Variants in STAU1 observed in about 807,000 individuals in gnomAD.
STAU1 encodes double-stranded RNA-binding protein Staufen homolog 1.
A neutral mutation model predicts 62.9 loss-of-function variants in STAU1; 13 were observed. The observed-to-expected ratio is 0.21, with a 90% CI of 0.13 to 0.33. STAU1 has a LOEUF of 0.33. Ranked by LOEUF, STAU1 falls within the 10% of genes least tolerant of loss-of-function variation. The pLI, the probability that STAU1 is intolerant of heterozygous loss-of-function variation, is 1.00. For missense variants in STAU1, 571 were observed against 712.1 expected (o/e 0.80, Z 2.25); for synonymous variants, 269 against 265.1 (o/e 1.01, Z -0.14).
the STAU1 span, among the ~76,000 whole-genome samples, chr20:49,195,314 G>C: frequency 6.6e-6 from 1 of 151,698 alleles, no homozygotes; most frequent in Non-Finnish European, 1.5e-5. Flanking sequence ...GAGGCAGGCG[G>C]ATCACGAAGT....
intron 5 of STAU1, among the ~76,000 whole-genome samples, chr20:49,139,157 A>G (rs928932976): frequency 1.3e-5 from 2 of 152,212 alleles, no homozygotes; most frequent in African/African-American, 2.4e-5. Context: ...ACATAGGGGA[A>G]AAGTGTTATG....
chr20:49,189,619 CAAAAAAAAAAAAAA>C (rs71186430), upstream of STAU1, among the ~76,000 whole-genome samples: 1 of 55,348 alleles, frequency 1.8e-5, no homozygotes, highest in African/African-American at 7.2e-5. Context: ...GACTCTGTCT[CAAAAAAAAAAAAAA>C]AAAAAAAAAG....
At position 49,154,082 on chromosome 20, in the gene STAU1, G is replaced by A. The variant is rs1472282139; in HGVS notation, c.206-11C>T. 5.7e-6 allele frequency: 9 copies of A among 1,588,732 alleles called. No individual in the cohort carries two copies. Among genetic ancestry groups the A allele is most frequent in the Non-Finnish European group, 6.8e-6 (8 of 1,173,192 alleles). On this transcript the variant is annotated splice_polypyrimidine_tract_variant and intron_variant, in intron 3 of 13. Transcript: ENST00000371856. ...TAGGGGTTATGCTTTCTGCAAGAAAGAATCGACAAAGAACTGTTTTTTTCT... is the reference window on the plus strand; with the variant it reads ...TAGGGGTTATGCTTTCTGCAAGAAAAAATCGACAAAGAACTGTTTTTTTCT...
At chr20:49,216,384 C>T in the STAU1 span, among the ~76,000 whole-genome samples, 2 of 151,862 alleles carry the variant, frequency 1.3e-5, no homozygotes, top group Non-Finnish European at 2.9e-5. Context: ...AAAAATTGGC[C>T]AGGCATGGTG....
intron 6 of STAU1, among the ~76,000 whole-genome samples, chr20:49,127,144 G>C (rs1295464678): frequency 6.6e-6 from 1 of 151,966 alleles, no homozygotes; most frequent in Non-Finnish European, 1.5e-5. Context: ...CACGAGGTCA[G>C]GAGTTCGAGA....
intron 1 of STAU1, among the ~76,000 whole-genome samples, chr20:49,187,447 G>A (rs2146650777): frequency 6.6e-6 from 1 of 152,248 alleles, no homozygotes; most frequent in African/African-American, 2.4e-5. Context: ...CGGATAGGTA[G>A]GTCAACTTCT....
At chr20:49,126,749 G>A (rs942986912) in intron 6 of STAU1, among the ~76,000 whole-genome samples, 1 of 151,638 alleles carries the variant, frequency 6.6e-6, no homozygotes, top group Admixed American at 6.6e-5. Flanking sequence ...AGAACAGCAC[G>A]AAAAAGACCT....
In STAU1 at chr20:49,183,701, G is replaced by C. The variant is rs143232795; in HGVS notation, c.-160+4415C>G. ...ATCTGGACTTTAGAATGGGGATGGA[G>C]GAGAGTTCCATGAGTCATGGCCATT... On this transcript the variant is annotated intron_variant, in intron 1 of 13. Transcript: ENST00000371856. 2.0e-3 allele frequency among the ~76,000 whole-genome samples: 303 copies of C among 152,172 alleles called. 1 individual carries two copies. The highest frequency in any genetic ancestry group is 6.9e-3 in the African/African-American group (288 of 41,524).
In STAU1 at chr20:49,124,124, C is replaced by T. The variant is rs145485676; in HGVS notation, c.822+251G>A. Among the ~76,000 whole-genome samples, 29 of 152,354 alleles carry T rather than the reference C, an allele frequency of 1.9e-4. No individual in the cohort carries two copies. The East Asian group carries it at 4.6e-3, about 24-fold the overall frequency. ...TTCCTGCCCAATACCCCACTGTGAT[C>T]GCCAGGGCTGTGATGAGCGCCCTCC... is the stretch of plus-strand genomic sequence containing the variant. On this transcript the variant is annotated intron_variant, in intron 7 of 13. Coordinates refer to ENST00000371856, the MANE Select transcript of STAU1 (RefSeq NM_017453.4).
At chr20:49,204,626 G>GTATATATA in the STAU1 span, among the ~76,000 whole-genome samples, 5 of 44,674 alleles carry the variant, frequency 1.1e-4, no homozygotes, top group Non-Finnish European at 1.5e-4. Flanking sequence ...ATATATATGT[G>GTATATATA]TATATATATA....
At chr20:49,154,640 A>G (rs745890540) in intron 3 of STAU1, among the ~76,000 whole-genome samples, 5 of 151,968 alleles carry the variant, frequency 3.3e-5, no homozygotes, top group Non-Finnish European at 7.4e-5. Context: ...CCAAGGCAGG[A>G]GGATCACAAG....
intron 5 of STAU1, among the ~76,000 whole-genome samples, chr20:49,147,820 C>A (rs1015436425): frequency 1.3e-5 from 2 of 152,084 alleles, no homozygotes; most frequent in Non-Finnish European, 2.9e-5. Context: ...AAGTAAATGA[C>A]GTAACATATT....
chr20:49,193,240 G>T (rs780461684), upstream of STAU1, among the ~76,000 whole-genome samples: 9 of 152,094 alleles, frequency 5.9e-5, no homozygotes, highest in South Asian at 2.1e-4. Context: ...AGCTGGGCAT[G>T]GTGGCAGGCG....
At chr20:49,185,213 T>C (rs2093772931) in intron 1 of STAU1, among the ~76,000 whole-genome samples, 1 of 152,216 alleles carries the variant, frequency 6.6e-6, no homozygotes. Flanking sequence ...TAAAGAAACA[T>C]TTTAAGTTTT....
At chr20:49,132,441 C>T (rs1488718087) in intron 6 of STAU1, among the ~76,000 whole-genome samples, 1 of 152,228 alleles carries the variant, frequency 6.6e-6, no homozygotes, top group Admixed American at 6.5e-5. Context: ...ATCACATTTT[C>T]TAACTAAAAC....
intron 1 of STAU1, among the ~76,000 whole-genome samples, chr20:49,176,157 A>C (rs1370693491): frequency 1.3e-5 from 2 of 152,126 alleles, no homozygotes; most frequent in Non-Finnish European, 2.9e-5. Context: ...TGATTTTCAA[A>C]CCTGTGTTTT....
At chr20:49,215,816 G>T in the STAU1 span, among the ~76,000 whole-genome samples, 4 of 151,794 alleles carry the variant, frequency 2.6e-5, no homozygotes, top group Non-Finnish European at 5.9e-5. Context: ...AGACCAGACT[G>T]GCCAACATGG....
chr20:49,141,747 T>C (rs2093012271), intron 5 of STAU1, among the ~76,000 whole-genome samples: 1 of 150,928 alleles, frequency 6.6e-6, no homozygotes, highest in African/African-American at 2.4e-5. Flanking sequence ...ATACAGAAAG[T>C]AGCCGGGTGA....
chr20:49,120,039 A>C lies in STAU1; in HGVS notation c.1056T>G (p.Leu352=), dbSNP rs746784963. 1 of 1,614,112 alleles carries C rather than the reference A, an allele frequency of 6.2e-7. No homozygotes were observed. Among genetic ancestry groups the C allele is most frequent in the South Asian group, 1.1e-5 (1 of 91,074 alleles). The change falls in exon 9 of 14, where the codon CTT becomes CTG. Residue 352 remains leucine, a synonymous_variant. Coordinates refer to ENST00000371856, the MANE Select transcript of STAU1 (RefSeq NM_017453.4). ...RNAAENMLEI[L]GFKVPQAQPT... The stretch of plus-strand genomic sequence containing the variant: ...GCTGCGCCTGCGGGACTTTGAAACC[A>C]AGGATCTCCAGCATGTTCTCGGCTG...
Sources: gnomAD v4.1 joint callset for allele counts (sites outside exome capture counted in the v4.1 genomes callset) on GRCh38, gnomAD v4.1.1 for gene constraint, MANE v1.5 for transcripts, NCBI Gene and HGNC (gene_info 2026-07-23, HGNC 2026-07-21) for gene names.